Variants in CDK17 observed in about 807,000 individuals in gnomAD.
The protein encoded by CDK17 is cyclin dependent kinase 17, also known as cyclin-dependent kinase 17.
Under a neutral mutation model 77.6 loss-of-function variants are expected in CDK17, and 24 were observed. The observed-to-expected ratio is 0.31, with a 90% CI of 0.22 to 0.44. The LOEUF is 0.44. Among genes scored for constraint, CDK17 ranks in the 20% least tolerant of loss-of-function variants. CDK17 has a pLI of 1.00. For synonymous variants in CDK17, 203 were observed against 210.4 expected (o/e 0.96, Z 0.30); for missense variants, 429 against 622.5 (o/e 0.69, Z 3.31).
chr12:96,395,153 C>T (rs537158957), intron 1 of CDK17, among the ~76,000 whole-genome samples: 149 of 152,276 alleles, frequency 9.8e-4, no homozygotes, highest in Middle Eastern at 3.4e-3. Flanking sequence ...GGATTACAGG[C>T]GTGAGCCACC....
At chr12:96,377,922 T>C (rs1249994095) in intron 1 of CDK17, among the ~76,000 whole-genome samples, 1 of 152,202 alleles carries the variant, frequency 6.6e-6, no homozygotes, top group African/African-American at 2.4e-5. Flanking sequence ...CTTGATCTCC[T>C]GACCTCGTGA....
intron 14 of CDK17, 56 bp from the exon 15 acceptor site, chr12:96,282,655 T>C: frequency 8.7e-7 from 1 of 1,144,322 alleles, no homozygotes. Context: ...CTGCAAAAAG[T>C]AGGAGATGGG....
intron 1 of CDK17, among the ~76,000 whole-genome samples, chr12:96,346,297 T>C (rs1953209871): frequency 6.7e-6 from 1 of 149,268 alleles, no homozygotes; most frequent in African/African-American, 2.5e-5. Context: ...CTAAAAATAC[T>C]AAAAAACAGC....
chr12:96,310,105 G>A (rs1278069992), intron 5 of CDK17, among the ~76,000 whole-genome samples: 5 of 152,090 alleles, frequency 3.3e-5, no homozygotes, highest in Non-Finnish European at 7.4e-5. Context: ...AATGGATGAA[G>A]TACAGTACAC....
At chr12:96,393,354 CAAAAAAAAAAAAA>C (rs10633197) in intron 1 of CDK17, among the ~76,000 whole-genome samples, 11 of 43,348 alleles carry the variant, frequency 2.5e-4, no homozygotes, top group Non-Finnish European at 3.7e-4. Context: ...GGCTCCGCCT[CAAAAAAAAAAAAA>C]AAAAAAAAAA....
At chr12:96,300,162 TGTTAC>T (rs1337584763) in intron 6 of CDK17, 137 bp downstream of exon 6, 4 of 623,074 alleles carry the variant, frequency 6.4e-6, no homozygotes, top group Non-Finnish European at 1.1e-5. Context: ...CTAGAAACTC[TGTTAC>T]CTTTCCAGAA....
chr12:96,299,793 A>G (rs1018607147), intron 6 of CDK17, among the ~76,000 whole-genome samples: 3 of 152,188 alleles, frequency 2.0e-5, no homozygotes, highest in Non-Finnish European at 4.4e-5. Context: ...ACAGCCCTCA[A>G]GCTCCTTTAA....
chr12:96,344,401 C>G (rs1029882800), intron 1 of CDK17, among the ~76,000 whole-genome samples: 2 of 152,120 alleles, frequency 1.3e-5, no homozygotes, highest in African/African-American at 2.4e-5. Context: ...CACATTATAT[C>G]CAAAGTGTAG....
intron 1 of CDK17, among the ~76,000 whole-genome samples, chr12:96,364,706 T>C (rs1012526120): frequency 6.6e-6 from 1 of 152,236 alleles, no homozygotes; most frequent in Non-Finnish European, 1.5e-5. Flanking sequence ...AGGAAATCAC[T>C]TCCATAGGCT....
At chr12:96,297,851 T>C (rs1952431635) in intron 7 of CDK17, 130 bp from the exon 8 acceptor site, 4 of 510,024 alleles carry the variant, frequency 7.8e-6, no homozygotes, top group East Asian at 6.4e-5. Flanking sequence ...ACCCCTATAA[T>C]CCCAGCACTT....
intron 2 of CDK17, among the ~76,000 whole-genome samples, chr12:96,325,937 T>A (rs1478303514): frequency 2.0e-5 from 3 of 152,146 alleles, no homozygotes; most frequent in African/African-American, 7.2e-5. Context: ...AGTGGGAGGA[T>A]CACTTGTGCC....
chr12:96,324,810 A>AAGAC (rs1304925373), intron 2 of CDK17, among the ~76,000 whole-genome samples: 1 of 152,092 alleles, frequency 6.6e-6, no homozygotes, highest in African/African-American at 2.4e-5. Context: ...TAGAATATAA[A>AAGAC]AGACATGGTC....
chr12:96,363,538 T>C (rs1953530737), intron 1 of CDK17, among the ~76,000 whole-genome samples: 3 of 150,954 alleles, frequency 2.0e-5, no homozygotes, highest in Non-Finnish European at 1.5e-5. Context: ...TTTCAAGAGA[T>C]TGTGACTTTA....
intron 5 of CDK17, among the ~76,000 whole-genome samples, chr12:96,301,660 T>TTTTTAATGC (rs1952506673): frequency 6.6e-6 from 1 of 151,900 alleles, no homozygotes; most frequent in Admixed American, 6.5e-5. Flanking sequence ...GGAAATAATG[T>TTTTTAATGC]TTTTTAATAC....
At chr12:96,324,663 A>T (rs1445837895) in intron 2 of CDK17, among the ~76,000 whole-genome samples, 1 of 152,062 alleles carries the variant, frequency 6.6e-6, no homozygotes, top group Non-Finnish European at 1.5e-5. Flanking sequence ...GCTACTCAAG[A>T]GGCTGAGACA....
intron 12 of CDK17, among the ~76,000 whole-genome samples, chr12:96,286,383 C>A (rs1952247072): frequency 6.6e-6 from 1 of 151,686 alleles, no homozygotes; most frequent in Admixed American, 6.6e-5. Context: ...CCAGTTGATA[C>A]CAAAAAAGTT....
chr12:96,361,157 A>G (rs1390502111), intron 1 of CDK17, among the ~76,000 whole-genome samples: 2 of 152,134 alleles, frequency 1.3e-5, no homozygotes, highest in African/African-American at 4.8e-5. Context: ...TGGAACCCAG[A>G]TTTTTCAGAG....
Position 96,294,985 on chromosome 12 carries a change from C to A in CDK17, c.997+14G>T. 6.3e-7 allele frequency: 1 copy of A among 1,598,902 alleles called. No homozygotes were observed. The highest frequency in any genetic ancestry group is 8.5e-7 in the Non-Finnish European group (1 of 1,172,366). ...AACCTGGAAGTACTAATAAATATCT[C>A]ATACATTCCATACCAAAATCTGCTA... On this transcript the variant is annotated intron_variant, in intron 10 of 16. Transcript: ENST00000261211.
At chr12:96,347,859 C>T (rs866056041) in intron 1 of CDK17, among the ~76,000 whole-genome samples, 106 of 152,138 alleles carry the variant, frequency 7.0e-4, no homozygotes, top group African/African-American at 2.3e-3. Context: ...CTTTTCCAAT[C>T]AAAATGGAAT....
Sources: gnomAD v4.1 joint callset for allele counts (sites outside exome capture counted in the v4.1 genomes callset) on GRCh38, gnomAD v4.1.1 for gene constraint, MANE v1.5 for transcripts, NCBI Gene and HGNC (gene_info 2026-07-23, HGNC 2026-07-21) for gene names.